LMTK2: variants seen among roughly 807,000 people sequenced by gnomAD.
The protein encoded by LMTK2 is serine/threonine-protein kinase LMTK2.
In LMTK2, 37 loss-of-function variants were observed where a neutral mutation model predicts 127.5. The ratio of observed to expected loss-of-function variants is 0.29; its 90% CI spans 0.22 to 0.38. The LOEUF (loss-of-function observed/expected upper bound fraction) is 0.38. Ranked by LOEUF, LMTK2 falls within the 10% of genes least tolerant of loss-of-function variation. LMTK2 has a pLI of 1.00. For synonymous variants in LMTK2, 819 were observed against 810.1 expected (o/e 1.01, Z -0.19); for missense variants, 1,694 against 1,920.3 (o/e 0.88, Z 2.20).
chr7:98,188,379 G>A (rs773757933), intron 9 of LMTK2, among the ~76,000 whole-genome samples: 2 of 152,006 alleles, frequency 1.3e-5, no homozygotes, highest in Non-Finnish European at 2.9e-5. Flanking sequence ...TTCTCTTAAG[G>A]CATGTCTCAT....
intron 1 of LMTK2, among the ~76,000 whole-genome samples, chr7:98,132,939 G>A (rs915285191): frequency 5.3e-5 from 8 of 152,168 alleles, no homozygotes; most frequent in African/African-American, 1.9e-4. Context: ...GGCTTACCTT[G>A]AGTCATTACT....
intron 3 of LMTK2, among the ~76,000 whole-genome samples, chr7:98,149,566 A>T (rs1031547794): frequency 3.3e-5 from 5 of 152,226 alleles, no homozygotes; most frequent in Non-Finnish European, 1.5e-5. Flanking sequence ...CTGGATATTC[A>T]TTGGCAAACA....
chr7:98,136,905 G>A lies in LMTK2; in HGVS notation c.104-410G>A, dbSNP rs1796602862. On this transcript the variant is annotated intron_variant, in intron 1 of 13. Coordinates refer to ENST00000297293, the MANE Select transcript of LMTK2 (RefSeq NM_014916.4). ...CTGGAGGAGCTGAGGGGCATGTGGT[G>A]ATTAAATGCAACGTTGGTAGTTTGG... 3.9e-5 allele frequency among the ~76,000 whole-genome samples: 6 copies of A among 152,220 alleles called. No individual in the cohort carries two copies. In the South Asian group the frequency reaches 1.2e-3, roughly 31 times the overall value.
chr7:98,131,423 T>C (rs1796518635), intron 1 of LMTK2, among the ~76,000 whole-genome samples: 1 of 152,182 alleles, frequency 6.6e-6, no homozygotes, highest in Non-Finnish European at 1.5e-5. Flanking sequence ...CCCAAGTGTT[T>C]TTCACAGCCT....
At chr7:98,111,109 A>G (rs1796195914) in intron 1 of LMTK2, among the ~76,000 whole-genome samples, 1 of 152,244 alleles carries the variant, frequency 6.6e-6, no homozygotes, top group African/African-American at 2.4e-5. Context: ...GGGGTTAACT[A>G]AATATGCTCA....
intron 1 of LMTK2, among the ~76,000 whole-genome samples, chr7:98,130,322 T>C (rs1260396661): frequency 6.6e-6 from 1 of 152,142 alleles, no homozygotes; most frequent in African/African-American, 2.4e-5. Flanking sequence ...GGAAAGGATA[T>C]AGCACCTTTG....
intron 10 of LMTK2, 115 bp downstream of exon 10, chr7:98,190,992 A>T (rs1797514424): frequency 1.0e-6 from 1 of 999,198 alleles, no homozygotes; most frequent in Non-Finnish European, 1.5e-6. Context: ...TTTCACCATG[A>T]TGTCACCATG....
rs150658004 is a variant in LMTK2 at position 98,204,164 on chromosome 7, C to A, written c.4461C>A (p.Thr1487=). ...CCAGCTTTTCCCTCACACACCTGAC[C>A]GACTCGGACATCGAGCAGGGCGGTG... ...NIASFSLTHL[T]DSDIEQGGSS... The change falls in exon 13 of 14, where the codon ACC becomes ACA. Residue 1487 remains threonine (T), a synonymous_variant. Coordinates refer to ENST00000297293, the MANE Select transcript of LMTK2 (RefSeq NM_014916.4). 1 of 1,608,324 alleles carries A rather than the reference C, an allele frequency of 6.2e-7. No homozygotes were observed. The highest frequency in any genetic ancestry group is 8.5e-7 in the Non-Finnish European group (1 of 1,179,958).
At chr7:98,205,115 A>G in intron 13 of LMTK2, among the ~76,000 whole-genome samples, 1 of 152,250 alleles carries the variant, frequency 6.6e-6, no homozygotes, top group East Asian at 1.9e-4. Context: ...AGATCAAATA[A>G]TAAATATGGA....
At chr7:98,132,849 G>A (rs985604476) in intron 1 of LMTK2, among the ~76,000 whole-genome samples, 1 of 151,982 alleles carries the variant, frequency 6.6e-6, no homozygotes. Context: ...TATGGGTCCA[G>A]TTTCATCTGA....
chr7:98,139,920 C>T (rs1463355652), intron 2 of LMTK2, among the ~76,000 whole-genome samples: 1 of 152,008 alleles, frequency 6.6e-6, no homozygotes, highest in Non-Finnish European at 1.5e-5. Context: ...AGGGCTAATA[C>T]ATGTTAATTA....
In LMTK2 at chr7:98,192,379, T is replaced by A; in HGVS notation, c.1914T>A (p.Asp638Glu). 1.9e-6 allele frequency: 3 copies of A among 1,605,120 alleles called. No individual in the cohort carries two copies. The highest frequency in any genetic ancestry group is 2.5e-6 in the Non-Finnish European group (3 of 1,177,708). Residue 638 changes from aspartate (D) to glutamate (E), a missense_variant, in exon 11 of 14, where the codon GAT (aspartate) becomes GAA (glutamate). Physicochemically the swap from Asp to Glu is conservative, Grantham distance 45 (BLOSUM62 2). Around this residue, in one of 8 missense-constraint regions of LMTK2, gnomAD observed 527 missense variants for 539.8 expected, o/e 0.98. Coordinates refer to ENST00000297293, the MANE Select transcript of LMTK2 (RefSeq NM_014916.4). ...PESPFNNIFN[D>E]VDKSEDLPSH... ...GCCCTTTCAACAATATATTTAATGATGTGGACAAATCGGAAGATTTGCCCA... is the reference window on the plus strand; with the variant it reads ...GCCCTTTCAACAATATATTTAATGAAGTGGACAAATCGGAAGATTTGCCCA...
intron 1 of LMTK2, among the ~76,000 whole-genome samples, chr7:98,126,173 T>C (rs1454278682): frequency 6.6e-6 from 1 of 152,212 alleles, no homozygotes; most frequent in East Asian, 1.9e-4. Context: ...AGCAGACATT[T>C]AGGCCACTTC....
At chr7:98,121,950 G>A (rs1057040773) in intron 1 of LMTK2, among the ~76,000 whole-genome samples, 4 of 152,032 alleles carry the variant, frequency 2.6e-5, no homozygotes, top group African/African-American at 9.7e-5. Flanking sequence ...GGCTGTGTTC[G>A]CACCTCTGCA....
chr7:98,132,620 A>C (rs1796537983), intron 1 of LMTK2, among the ~76,000 whole-genome samples: 1 of 152,166 alleles, frequency 6.6e-6, no homozygotes, highest in Non-Finnish European at 1.5e-5. Context: ...TTATGACTTG[A>C]ACCACTGGGT....
chr7:98,170,487 A>G (rs1422207729), intron 6 of LMTK2, among the ~76,000 whole-genome samples: 2 of 151,738 alleles, frequency 1.3e-5, no homozygotes, highest in Admixed American at 1.3e-4. Context: ...CAGTTACAAG[A>G]CATGTACTCT....
intron 1 of LMTK2, among the ~76,000 whole-genome samples, chr7:98,129,552 G>A (rs1376469007): frequency 6.6e-6 from 1 of 151,856 alleles, no homozygotes; most frequent in Non-Finnish European, 1.5e-5. Context: ...TTTTTGTAGA[G>A]ATGATGTCTC....
Position 98,194,175 on chromosome 7 carries a change from C to T in LMTK2, c.3710C>T (p.Ala1237Val). 1.9e-6 allele frequency: 3 copies of T among 1,613,980 alleles called. No homozygotes were observed. The highest frequency in any genetic ancestry group is 2.5e-6 in the Non-Finnish European group (3 of 1,180,012). The change falls in exon 11 of 14, where the codon GCC becomes GTC. Residue 1237 changes from alanine (A) to valine (V), a missense_variant. Ala to Val is a moderately conservative substitution (Grantham distance 64). Coordinates refer to ENST00000297293, the MANE Select transcript of LMTK2 (RefSeq NM_014916.4). The surrounding 1 kb of genome is among the most constrained non-coding windows in gnomAD (Gnocchi z 5.4). ...GGGACCAACACGAACGAACTCCTTG[C>T]CTACACCAATTCTGCGCTGGACAAG... Reference protein sequence around the residue: ...STGTNTNELLAYTNSALDKSL... With the variant: ...STGTNTNELLVYTNSALDKSL...
At chr7:98,123,752 T>G (rs1291308886) in intron 1 of LMTK2, among the ~76,000 whole-genome samples, 2 of 152,208 alleles carry the variant, frequency 1.3e-5, no homozygotes, top group Non-Finnish European at 2.9e-5. Context: ...TGTGTATATA[T>G]GCACACACTT....
Sources: gnomAD v4.1 joint callset for allele counts (sites outside exome capture counted in the v4.1 genomes callset) on GRCh38, gnomAD v4.1.1 for gene constraint, gnomAD v4.1.1 regional missense constraint, Gnocchi (gnomAD v3.1) non-coding constraint, MANE v1.5 for transcripts, NCBI Gene and HGNC (gene_info 2026-07-23, HGNC 2026-07-21) for gene names.